VTI1A: variants seen among roughly 807,000 people sequenced by gnomAD.
VTI1A encodes vesicle transport through interaction with t-SNAREs 1A.
A neutral mutation model predicts 34.9 loss-of-function variants in VTI1A; 22 were observed. The observed-to-expected ratio is 0.63, with a 90% CI of 0.45 to 0.90. The LOEUF (loss-of-function observed/expected upper bound fraction) is 0.90. Ranked by LOEUF, VTI1A falls within the 40% of genes least tolerant of loss-of-function variation. The pLI, the probability that VTI1A is intolerant of heterozygous loss-of-function variation, is 0.00. For synonymous variants in VTI1A, 87 were observed against 97.3 expected (o/e 0.89, Z 0.62); for missense variants, 268 against 275.6 (o/e 0.97, Z 0.20).
chr10:112,532,291 C>T (rs1214772506), intron 4 of VTI1A, among the ~76,000 whole-genome samples: 1 of 152,170 alleles, frequency 6.6e-6, no homozygotes, highest in Admixed American at 6.5e-5. Flanking sequence ...GCACATTTCT[C>T]CCAAAGCAAT....
At chr10:112,634,521 ACACAC>A (rs1846269234) in intron 5 of VTI1A, among the ~76,000 whole-genome samples, 1 of 59,524 alleles carries the variant, frequency 1.7e-5, no homozygotes, top group South Asian at 4.3e-4. Flanking sequence ...ACATACACAC[ACACAC>A]ACACACACAC....
chr10:112,738,867 T>C (rs1850591471), intron 7 of VTI1A, among the ~76,000 whole-genome samples: 1 of 152,110 alleles, frequency 6.6e-6, no homozygotes, highest in Non-Finnish European at 1.5e-5. Flanking sequence ...AAATGCTTTA[T>C]CATCTGGTCC....
At chr10:112,497,278 A>G (rs1330539938) in intron 3 of VTI1A, among the ~76,000 whole-genome samples, 1 of 152,056 alleles carries the variant, frequency 6.6e-6, no homozygotes, top group Non-Finnish European at 1.5e-5. Context: ...AGATCGTGCT[A>G]CTGCACTCCA....
intron 5 of VTI1A, among the ~76,000 whole-genome samples, chr10:112,568,313 C>T (rs1399683094): frequency 6.6e-6 from 1 of 152,052 alleles, no homozygotes; most frequent in East Asian, 1.9e-4. Flanking sequence ...TCGAGACAAG[C>T]CTGGCCAACA....
chr10:112,664,388 T>C (rs1314911742), intron 5 of VTI1A, among the ~76,000 whole-genome samples: 1 of 152,036 alleles, frequency 6.6e-6, no homozygotes, highest in Non-Finnish European at 1.5e-5. Context: ...GTCTTATAAA[T>C]TTTTTTTAAA....
intron 5 of VTI1A, among the ~76,000 whole-genome samples, chr10:112,620,192 G>A (rs78220079): frequency 0.01 from 1,591 of 152,116 alleles, 6 homozygotes; most frequent in African/African-American, 0.021. Context: ...TTGTTGGACC[G>A]TAAATCTCTT....
chr10:112,636,870 C>A (rs1457351575), intron 5 of VTI1A, among the ~76,000 whole-genome samples: 1 of 151,840 alleles, frequency 6.6e-6, no homozygotes, highest in East Asian at 1.9e-4. Context: ...ACAACCATAG[C>A]AAAACAAAAT....
chr10:112,498,029 C>T (rs1849089635), intron 3 of VTI1A, among the ~76,000 whole-genome samples: 1 of 152,130 alleles, frequency 6.6e-6, no homozygotes, highest in African/African-American at 2.4e-5. Flanking sequence ...TAATAGATTA[C>T]CCCTAAATAA....
chr10:112,724,715 T>G (rs552264721), intron 7 of VTI1A, among the ~76,000 whole-genome samples: 1 of 151,952 alleles, frequency 6.6e-6, no homozygotes, highest in African/African-American at 2.4e-5. Flanking sequence ...AAGGGTTGTG[T>G]TTTCATTAGC....
intron 7 of VTI1A, among the ~76,000 whole-genome samples, chr10:112,758,943 G>T (rs547704649): frequency 2.0e-5 from 3 of 152,308 alleles, no homozygotes; most frequent in African/African-American, 7.2e-5. Context: ...TGCTGCTCAT[G>T]CTTTAAAGAG....
intron 5 of VTI1A, among the ~76,000 whole-genome samples, chr10:112,618,524 T>TATATATATATATATAGAGAGAGAGAGAG (rs748276058): frequency 8.7e-5 from 3 of 34,580 alleles, no homozygotes; most frequent in Non-Finnish European, 1.3e-4. Flanking sequence ...TATATATATA[T>TATATATATATATATAGAGAGAGAGAGAG]AGAGAGAGAG....
At chr10:112,542,703 A>C (rs759067354) in intron 5 of VTI1A, among the ~76,000 whole-genome samples, 13 of 152,154 alleles carry the variant, frequency 8.5e-5, no homozygotes, top group Non-Finnish European at 1.8e-4. Context: ...TTTAATCCTC[A>C]CCACAAACCT....
At chr10:112,562,420 A>G (rs749010269) in intron 5 of VTI1A, among the ~76,000 whole-genome samples, 21 of 152,124 alleles carry the variant, frequency 1.4e-4, no homozygotes, top group Non-Finnish European at 2.4e-4. Context: ...AATTAAGTCA[A>G]TATTACTCCA....
At chr10:112,522,391 A>G (rs1156659222) in intron 3 of VTI1A, among the ~76,000 whole-genome samples, 1 of 152,090 alleles carries the variant, frequency 6.6e-6, no homozygotes, top group South Asian at 2.1e-4. Context: ...CTGTTCTTTC[A>G]TTACTTACCA....
intron 7 of VTI1A, among the ~76,000 whole-genome samples, chr10:112,707,778 T>G (rs1849252724): frequency 6.6e-6 from 1 of 152,250 alleles, no homozygotes. Context: ...TTAAAGTTAT[T>G]GTCCTAAATT....
chr10:112,741,891 A>G (rs571993923), intron 7 of VTI1A, among the ~76,000 whole-genome samples: 7 of 152,336 alleles, frequency 4.6e-5, no homozygotes, highest in Non-Finnish European at 7.3e-5. Context: ...GTTGGCACCC[A>G]GCCATCAAAT....
At chr10:112,582,722 G>A (rs1843997572) in intron 5 of VTI1A, among the ~76,000 whole-genome samples, 1 of 152,196 alleles carries the variant, frequency 6.6e-6, no homozygotes, top group African/African-American at 2.4e-5. Context: ...CTATAATAGT[G>A]ATGCCATCTT....
At chr10:112,487,278 C>T (rs2134114446) in intron 3 of VTI1A, among the ~76,000 whole-genome samples, 1 of 152,264 alleles carries the variant, frequency 6.6e-6, no homozygotes, top group East Asian at 1.9e-4. Context: ...TGTGTGCCAG[C>T]ACACCTGGCT....
chr10:112,480,126 A>G (rs1269775476), intron 3 of VTI1A, among the ~76,000 whole-genome samples: 1 of 152,234 alleles, frequency 6.6e-6, no homozygotes, highest in Non-Finnish European at 1.5e-5. Flanking sequence ...ATACACACAC[A>G]TAGAAGGCAG....
Sources: allele counts gnomAD v4.1 joint callset (sites outside exome capture counted in the v4.1 genomes callset), GRCh38; gene constraint gnomAD v4.1.1; transcripts MANE v1.5; gene names NCBI Gene and HGNC (gene_info 2026-07-23, HGNC 2026-07-21).